PCDHGA1: variants seen among roughly 807,000 people sequenced by gnomAD.
PCDHGA1 encodes protocadherin gamma-A1.
Under a neutral mutation model 58.0 loss-of-function variants are expected in PCDHGA1, and 32 were observed. The ratio of observed to expected loss-of-function variants is 0.55; its 90% CI spans 0.42 to 0.74. PCDHGA1 has a LOEUF of 0.74. Ranked by LOEUF, PCDHGA1 falls within the 30% of genes least tolerant of loss-of-function variation. The probability of loss-of-function intolerance (pLI) is 0.00; values close to 1 mark genes in which losing one functional copy is unlikely to be tolerated. For synonymous variants in PCDHGA1, 498 were observed against 501.1 expected, an observed-to-expected ratio of 0.99 and a Z score of 0.08; for missense variants, 1,205 against 1,182.3, an observed-to-expected ratio of 1.02 and a Z score of -0.28.
At chr5:141,419,585 G>C (rs2096403161) in intron 1 of PCDHGA1, 8 of 1,611,776 alleles carry the variant, frequency 5.0e-6, no homozygotes, top group Non-Finnish European at 6.8e-6. Flanking sequence ...CGCGCTCTTC[G>C]ACACAGTGCC....
rs770249472 is a variant in PCDHGA1, at chr5:141,477,747, C to T, written c.2422-17060C>T. On this transcript the variant is annotated intron_variant, in intron 1 of 3. Transcript: ENST00000517417. The surrounding 1 kb of genome is among the most constrained non-coding windows in gnomAD (Gnocchi z 4.9). ...ACAGCTCATATCAGCGATGGGGGCA[C>T]CCCGGTCCTAGCCACCAACATCAGC... 6.2e-7 allele frequency: 1 copy of T among 1,613,840 alleles called. No individual in the cohort carries two copies. The highest frequency in any genetic ancestry group is 1.7e-5 in the Admixed American group (1 of 60,026).
chr5:141,421,562 A>G (rs1326874908), intron 1 of PCDHGA1: 1 of 1,613,992 alleles, frequency 6.2e-7, no homozygotes, highest in South Asian at 1.1e-5. Context: ...CTTCTCGTGG[A>G]AGACACCTTG....
chr5:141,364,114 T>C, intron 1 of PCDHGA1: 4 of 451,898 alleles, frequency 8.9e-6, no homozygotes, highest in Non-Finnish European at 1.5e-5. Flanking sequence ...TGGTTAGGAC[T>C]CTGAGTGTCG....
chr5:141,355,069 G>A (rs1759706745), intron 1 of PCDHGA1: 1 of 1,342,004 alleles, frequency 7.5e-7, no homozygotes, highest in Non-Finnish European at 1.0e-6. Flanking sequence ...GGAGCTTTAT[G>A]AAAGCTTCAA....
chr5:141,345,258 TC>T (rs1757544066), intron 1 of PCDHGA1: 1 of 1,613,918 alleles, frequency 6.2e-7, no homozygotes, highest in Admixed American at 1.7e-5. Flanking sequence ...GACGGCCACA[TC>T]CCTGGACCGC....
At chr5:141,425,047 A>G (rs1590618154) in intron 1 of PCDHGA1, among the ~76,000 whole-genome samples, 1 of 152,198 alleles carries the variant, frequency 6.6e-6, no homozygotes, top group Non-Finnish European at 1.5e-5. Context: ...TAAACTGACT[A>G]TCTAGGGCTC....
chr5:141,360,645 C>T, intron 1 of PCDHGA1: 3 of 1,613,980 alleles, frequency 1.9e-6, no homozygotes, highest in Non-Finnish European at 2.5e-6. Flanking sequence ...TACAAAGATA[C>T]CACCTTAATG....
Position 141,432,668 on chromosome 5 carries a change from G to C in PCDHGA1, c.2422-62139G>C, listed in dbSNP as rs1202414814. 2.5e-6 allele frequency: 4 copies of C among 1,613,742 alleles called. No individual in the cohort carries two copies. The highest frequency in any genetic ancestry group is 2.2e-5 in the South Asian group (2 of 91,068). On this transcript the variant is annotated intron_variant, in intron 1 of 3. Coordinates refer to ENST00000517417, the MANE Select transcript of PCDHGA1 (RefSeq NM_018912.3). This position sits in a 1 kb window ranked among gnomAD's most constrained non-coding sequence, Gnocchi z 6.0. The stretch of plus-strand genomic sequence containing the variant: ...GGCGCGAGCCCTGCTGGACAGAGAC[G>C]CGCTCAAGCAGAGCCTCGTAGTGGC...
intron 1 of PCDHGA1, chr5:141,344,357 T>C (rs1344686437): frequency 6.2e-7 from 1 of 1,613,680 alleles, no homozygotes; most frequent in Admixed American, 1.7e-5. Context: ...AAATTAACAT[T>C]CTGGTTGAGG....
At chr5:141,361,007 T>A (rs1437909553) in intron 1 of PCDHGA1, 2 of 1,613,400 alleles carry the variant, frequency 1.2e-6, no homozygotes, top group Non-Finnish European at 1.7e-6. Flanking sequence ...GTGAAACACT[T>A]TTTCAACTTA....
chr5:141,421,842 A>G (rs1209505923), intron 1 of PCDHGA1: 1 of 1,613,744 alleles, frequency 6.2e-7, no homozygotes, highest in Non-Finnish European at 8.5e-7. Context: ...ACCGAGAGAA[A>G]GAGGCTGCTC....
rs1472806327 is a variant in PCDHGA1 at position 141,447,891 on chromosome 5, G to C, written c.2422-46916G>C. Among the ~76,000 whole-genome samples the C allele has an allele frequency of 1.3e-5, 2 of 152,080 alleles. 1 individual carries two copies. Among genetic ancestry groups the C allele is most frequent in the African/African-American group, 4.8e-5 (2 of 41,408 alleles). On this transcript the variant is annotated intron_variant, in intron 1 of 3. Coordinates refer to ENST00000517417, the MANE Select transcript of PCDHGA1 (RefSeq NM_018912.3). Reference sequence around the variant, plus strand: ...ATCTGAGGTCAGGAGTTCGAGACCAGCCTGGCCAACATGGTGAAACTCTGT... The same window carrying C: ...ATCTGAGGTCAGGAGTTCGAGACCACCCTGGCCAACATGGTGAAACTCTGT...
intron 1 of PCDHGA1, among the ~76,000 whole-genome samples, chr5:141,474,357 T>G (rs185194067): frequency 2.0e-4 from 30 of 152,302 alleles, no homozygotes; most frequent in African/African-American, 6.5e-4. Context: ...AAGTCATGTC[T>G]CAGTAGGTCT....
At chr5:141,345,405 T>C in intron 1 of PCDHGA1, 1 of 1,613,986 alleles carries the variant, frequency 6.2e-7, no homozygotes. Context: ...TTTATCCTAC[T>C]CCGCCTACAT....
chr5:141,432,627 C>T lies in PCDHGA1; in HGVS notation c.2422-62180C>T. ...GGACTCTTCTCGGTGGGTCTGCACA[C>T]GGGCGAGGTGCGCACGGCGCGAGCC... On this transcript the variant is annotated intron_variant, in intron 1 of 3. Coordinates refer to ENST00000517417, the MANE Select transcript of PCDHGA1 (RefSeq NM_018912.3). This position sits in a 1 kb window ranked among gnomAD's most constrained non-coding sequence, Gnocchi z 6.0. 1.2e-6 allele frequency: 2 copies of T among 1,613,770 alleles called. No individual in the cohort carries two copies. Among genetic ancestry groups the T allele is most frequent in the Non-Finnish European group, 1.7e-6 (2 of 1,179,944 alleles).
intron 1 of PCDHGA1, chr5:141,385,153 A>T: frequency 6.2e-7 from 1 of 1,614,128 alleles, no homozygotes; most frequent in South Asian, 1.1e-5. Flanking sequence ...TTTCCTGCAG[A>T]CCTATTCCCA....
intron 1 of PCDHGA1, among the ~76,000 whole-genome samples, chr5:141,484,597 A>C (rs1345278081): frequency 1.3e-5 from 2 of 152,070 alleles, no homozygotes; most frequent in African/African-American, 4.8e-5. Flanking sequence ...CTCATTTAGA[A>C]TACTGGTTGA....
intron 1 of PCDHGA1, among the ~76,000 whole-genome samples, chr5:141,484,122 T>C (rs1343894991): frequency 6.6e-6 from 1 of 152,180 alleles, no homozygotes; most frequent in African/African-American, 2.4e-5. Context: ...CAAGAATACC[T>C]TGGTGTCAGA....
Position 141,432,148 on chromosome 5 carries a change from G to C in PCDHGA1, c.2422-62659G>C. ...CCTCCTATTCCGCTTATATCCCAGA[G>C]AACAATCCCAGAGGAGTTTCCCTCG... On this transcript the variant is annotated intron_variant, in intron 1 of 3. Coordinates refer to ENST00000517417, the MANE Select transcript of PCDHGA1 (RefSeq NM_018912.3). The surrounding 1 kb of genome is among the most constrained non-coding windows in gnomAD (Gnocchi z 6.0). 6.2e-7 allele frequency: 1 copy of C among 1,614,002 alleles called. No individual in the cohort carries two copies. Among genetic ancestry groups the C allele is most frequent in the East Asian group, 2.2e-5 (1 of 44,876 alleles).
Sources: allele counts gnomAD v4.1 joint callset (sites outside exome capture counted in the v4.1 genomes callset), GRCh38; gene constraint gnomAD v4.1.1; non-coding constraint Gnocchi (gnomAD v3.1); transcripts MANE v1.5; gene names NCBI Gene and HGNC (gene_info 2026-07-23, HGNC 2026-07-21).